The following EVI5 variants were observed in gnomAD, a reference collection of about 807,000 sequenced individuals.
EVI5 encodes the protein ecotropic viral integration site 5 protein homolog.
A neutral mutation model predicts 112.0 loss-of-function variants in EVI5; 73 were observed. The ratio of observed to expected loss-of-function variants is 0.65; its 90% confidence interval spans 0.54 to 0.79. The LOEUF (loss-of-function observed/expected upper bound fraction) is 0.79, where lower values mean the gene tolerates loss of function less well. Ranked by LOEUF, EVI5 falls within the 30% of genes least tolerant of loss-of-function variation. The pLI, the probability that EVI5 is intolerant of heterozygous loss-of-function variation, is 0.00. For synonymous variants in EVI5, 305 were observed against 319.9 expected, an observed-to-expected ratio of 0.95 and a Z score of 0.50; for missense variants, 900 against 968.8, an observed-to-expected ratio of 0.93 and a Z score of 0.94.
At chr1:92,654,446 T>C (rs1236854501) in intron 13 of EVI5, among the ~76,000 whole-genome samples, 4 of 152,174 alleles carry the variant, frequency 2.6e-5, no homozygotes, top group Non-Finnish European at 4.4e-5. Flanking sequence ...AAAGGCTATC[T>C]ATATTCAAAG....
intron 1 of EVI5, chr1:92,749,256 G>A: frequency 5.9e-6 from 2 of 338,202 alleles, no homozygotes; most frequent in South Asian, 2.4e-5. Context: ...TTTTACCACT[G>A]GTGCATCTGC....
intron 19 of EVI5, among the ~76,000 whole-genome samples, chr1:92,532,339 G>A (rs572420962): frequency 6.6e-6 from 1 of 152,182 alleles, no homozygotes; most frequent in African/African-American, 2.4e-5. Context: ...AATAGTGGGG[G>A]AATTTAACAC....
intron 1 of EVI5, among the ~76,000 whole-genome samples, chr1:92,767,899 GC>G (rs1241665794): frequency 6.6e-6 from 1 of 152,066 alleles, no homozygotes; most frequent in Non-Finnish European, 1.5e-5. Flanking sequence ...GGCCAATGTG[GC>G]GAAACACTGT....
chr1:92,552,122 G>GAAAAAAAAA (rs143454054), intron 19 of EVI5, among the ~76,000 whole-genome samples: 2 of 123,158 alleles, frequency 1.6e-5, no homozygotes, highest in Non-Finnish European at 3.3e-5. Flanking sequence ...GGGCTGTAGG[G>GAAAAAAAAA]AAAAAAAAAA....
At chr1:92,528,773 TGAG>T (rs1285297153) in intron 19 of EVI5, among the ~76,000 whole-genome samples, 3 of 151,968 alleles carry the variant, frequency 2.0e-5, no homozygotes, top group Admixed American at 1.3e-4. Context: ...GTCAGGAAAA[TGAG>T]GAGATGAGAG....
intron 19 of EVI5, among the ~76,000 whole-genome samples, chr1:92,514,509 A>G (rs1345039921): frequency 1.3e-5 from 2 of 152,104 alleles, no homozygotes; most frequent in African/African-American, 4.8e-5. Flanking sequence ...AGATTTTAGT[A>G]TTTACTTTTC....
intron 16 of EVI5, among the ~76,000 whole-genome samples, chr1:92,618,323 G>A (rs1203945817): frequency 1.3e-5 from 2 of 152,066 alleles, no homozygotes; most frequent in African/African-American, 4.8e-5. Context: ...AGGGAGGAAC[G>A]CTACCACCAG....
chr1:92,761,033 G>A (rs1290972376), intron 1 of EVI5, among the ~76,000 whole-genome samples: 11 of 146,302 alleles, frequency 7.5e-5, no homozygotes, highest in South Asian at 6.6e-4. Context: ...ACTCCAGCCC[G>A]GGCAACACAG....
chr1:92,673,420 TATCAGA>T (rs1253830948), intron 10 of EVI5, among the ~76,000 whole-genome samples: 4 of 152,108 alleles, frequency 2.6e-5, no homozygotes, highest in African/African-American at 9.7e-5. Flanking sequence ...TTCGTATGTC[TATCAGA>T]ATCAAAGTTT....
intron 10 of EVI5, among the ~76,000 whole-genome samples, chr1:92,675,646 C>T (rs1051820104): frequency 6.6e-6 from 1 of 152,002 alleles, no homozygotes; most frequent in Non-Finnish European, 1.5e-5. Context: ...AGTACCCTTA[C>T]TCATAGTACC....
chr1:92,523,005 C>T (rs114069989), intron 19 of EVI5, among the ~76,000 whole-genome samples: 3,099 of 152,222 alleles, frequency 0.02, 119 homozygotes, highest in African/African-American at 0.07. Context: ...GCAATTCCCT[C>T]ACCTCAGCCT....
At chr1:92,697,496 G>A (rs938093551) in intron 6 of EVI5, among the ~76,000 whole-genome samples, 1 of 152,156 alleles carries the variant, frequency 6.6e-6, no homozygotes, top group African/African-American at 2.4e-5. Flanking sequence ...CAAAGAGACA[G>A]TCTCCAAGTA....
chr1:92,704,667 C>T lies in EVI5; in HGVS notation c.227G>A (p.Ser76Asn). The change falls in exon 3 of 20, where the codon AGT (serine) becomes AAT (asparagine). Residue 76 changes from serine (S) to asparagine (N), a missense_variant. Transcript: ENST00000684568. ...ACTGAGGTTGCTAGAGGCTGATGAACTCGACACAAGAGAAGAGCCACTGTT... is the reference window on the plus strand; with the variant it reads ...ACTGAGGTTGCTAGAGGCTGATGAATTCGACACAAGAGAAGAGCCACTGTT... ...RRNSGSSLVSSSSASSNLSHL... is the reference protein window; with the variant it reads ...RRNSGSSLVSNSSASSNLSHL... The T allele has an allele frequency of 1.2e-6, 2 of 1,604,618 alleles. No homozygotes were observed. Among genetic ancestry groups the T allele is most frequent in the Non-Finnish European group, 8.5e-7 (1 of 1,173,938 alleles).
chr1:92,514,952 A>AGAG (rs1392657335), intron 19 of EVI5, among the ~76,000 whole-genome samples: 2 of 152,228 alleles, frequency 1.3e-5, no homozygotes, highest in Non-Finnish European at 1.5e-5. Flanking sequence ...TTACTGTGGG[A>AGAG]GAGGAATGCT....
At chr1:92,622,234 T>C (rs1308778061) in intron 16 of EVI5, 3 of 352,180 alleles carry the variant, frequency 8.5e-6, no homozygotes, top group Non-Finnish European at 1.7e-5. Flanking sequence ...ATGTTTTTAG[T>C]ATTTTGATAA....
chr1:92,792,400 G>T, exon 1 of EVI5: 1 of 1,607,756 alleles, frequency 6.2e-7, no homozygotes, highest in Non-Finnish European at 8.5e-7. Flanking sequence ...ACCATGATAA[G>T]CAGAGAAGAC....
intron 1 of EVI5, among the ~76,000 whole-genome samples, chr1:92,751,849 TAA>T (rs1176432768): frequency 2.0e-5 from 3 of 151,876 alleles, no homozygotes; most frequent in African/African-American, 7.3e-5. Flanking sequence ...CCATCTCTAC[TAA>T]AAACACAAAA....
At chr1:92,536,394 G>T (rs1281115315) in intron 19 of EVI5, among the ~76,000 whole-genome samples, 5 of 152,278 alleles carry the variant, frequency 3.3e-5, no homozygotes, top group Admixed American at 6.5e-5. Context: ...TTCATAGTCT[G>T]ATGAAAGGTT....
chr1:92,549,217 T>C (rs920213266), intron 19 of EVI5, among the ~76,000 whole-genome samples: 3 of 152,288 alleles, frequency 2.0e-5, no homozygotes, highest in African/African-American at 7.2e-5. Context: ...AGCTGCTCTT[T>C]GACAAACTTG....
Sources: gnomAD v4.1 joint callset for allele counts (sites outside exome capture counted in the v4.1 genomes callset) on GRCh38, gnomAD v4.1.1 for gene constraint, MANE v1.5 for transcripts, NCBI Gene and HGNC (gene_info 2026-07-23, HGNC 2026-07-21) for gene names.